The following TMEM170B variants were observed in gnomAD, a reference collection of about 807,000 sequenced individuals.
TMEM170B encodes the protein transmembrane protein 170B.
TMEM170B carries 6 observed loss-of-function variants against 13.0 expected under a neutral mutation model. The observed-to-expected ratio is 0.46, with a 90% confidence interval of 0.25 to 0.91. TMEM170B has a LOEUF of 0.91. TMEM170B is among the 40% of genes least tolerant of loss of function. TMEM170B has a pLI of 0.17. For synonymous variants in TMEM170B, 61 were observed against 64.9 expected (o/e 0.94, Z 0.29); for missense variants, 138 against 165.2 (o/e 0.84, Z 0.90).
At position 11,582,665 on chromosome 6, in the gene TMEM170B, G is replaced by A. The variant is rs988604268; in HGVS notation, c.*7104G>A. The A allele has an allele frequency of 6.6e-6, 1 of 152,112 alleles. No individual in the cohort carries two copies. The highest frequency in any genetic ancestry group is 1.5e-5 in the Non-Finnish European group (1 of 68,006). The allele number at this position is 152,112 out of a possible 1,614,324, so 9.4% of individuals were successfully genotyped here. On this transcript the variant is annotated 3_prime_UTR_variant, in exon 3 of 3. Coordinates refer to ENST00000379426, the MANE Select transcript of TMEM170B (RefSeq NM_001100829.3). ...TAGTGAACAGTGTTAGTTTTATACT[G>A]TAGTACAGGGCACACACTTTAACCT...
rs1582148324 is a variant in TMEM170B at position 11,576,131 on chromosome 6, C to T, written c.*570C>T. The T allele has an allele frequency of 6.6e-6, 1 of 152,130 alleles. No individual in the cohort carries two copies. Among genetic ancestry groups the T allele is most frequent in the Middle Eastern group, 3.4e-3 (1 of 294 alleles). 9.4% of individuals were successfully genotyped at this position (152,130 alleles called of 1,614,324 possible). A position where few individuals can be genotyped will look rare whatever the true frequency, so the allele number is the denominator to read the frequency against. On this transcript the variant is annotated 3_prime_UTR_variant, in exon 3 of 3. Coordinates refer to ENST00000379426, the MANE Select transcript of TMEM170B (RefSeq NM_001100829.3). ...TGCGCGTTTCTGGGATTTAGGGCTT[C>T]AATATGTTTAGGTATTATTGTTATT...
intron 1 of TMEM170B, among the ~76,000 whole-genome samples, chr6:11,565,067 G>A (rs1266537018): frequency 2.6e-5 from 4 of 152,142 alleles, no homozygotes; most frequent in East Asian, 1.9e-4. Context: ...GTGAACAGTC[G>A]ATTGAGGTCA....
intron 2 of TMEM170B, among the ~76,000 whole-genome samples, chr6:11,573,309 AAATTTATTTTTTTGAAATGGCTACC>A (rs1344445244): frequency 1.3e-5 from 2 of 152,100 alleles, no homozygotes; most frequent in African/African-American, 4.8e-5. Flanking sequence ...GCAGGGACCT[AAATTTATTTTTTTGAAATGGCTACC>A]AGTCATTCCA....
rs1759857223 is a variant in TMEM170B, at chr6:11,575,151, G to C, written c.269-280G>C. Among the ~76,000 whole-genome samples the C allele has an allele frequency of 6.6e-6, 1 of 151,852 alleles. No homozygotes were observed. Among genetic ancestry groups the C allele is most frequent in the African/African-American group, 2.4e-5 (1 of 41,348 alleles). ...AGGTTGCAATAATGAATTATTCATT[G>C]TTTATGAACATATTTGCTATCAAGT... On this transcript the variant is annotated intron_variant, in intron 2 of 2. Coordinates refer to ENST00000379426, the MANE Select transcript of TMEM170B (RefSeq NM_001100829.3). The surrounding 1 kb of genome is among the most constrained non-coding windows in gnomAD (Gnocchi z 4.1).
chr6:11,563,003 A>G (rs1167130006), intron 1 of TMEM170B, among the ~76,000 whole-genome samples: 1 of 152,112 alleles, frequency 6.6e-6, no homozygotes, highest in Non-Finnish European at 1.5e-5. Flanking sequence ...TAAATTTTTT[A>G]CTTTTTAAAA....
chr6:11,552,996 C>T (rs537361765), intron 1 of TMEM170B, among the ~76,000 whole-genome samples: 162 of 152,280 alleles, frequency 1.1e-3, no homozygotes, highest in Non-Finnish European at 2.0e-3. Flanking sequence ...TTTAGAAATT[C>T]GCCATGCCGC....
At chr6:11,560,837 CTCAG>C (rs1301489926) in intron 1 of TMEM170B, among the ~76,000 whole-genome samples, 1 of 152,094 alleles carries the variant, frequency 6.6e-6, no homozygotes, top group Non-Finnish European at 1.5e-5. Flanking sequence ...CTTGTTTTTA[CTCAG>C]TATTTTTTAG....
At position 11,580,573 on chromosome 6, in the gene TMEM170B, A is replaced by T. The variant is rs1419537403; in HGVS notation, c.*5012A>T. On this transcript the variant is annotated 3_prime_UTR_variant, in exon 3 of 3. Coordinates refer to ENST00000379426, the MANE Select transcript of TMEM170B (RefSeq NM_001100829.3). ...GGTAACACTTTTTGGGTAACTGGGT[A>T]AATTACTATTTCTTTTAATAATCGG... The T allele has an allele frequency of 1.3e-5, 2 of 152,216 alleles. No individual in the cohort carries two copies. The highest frequency in any genetic ancestry group is 4.8e-5 in the African/African-American group (2 of 41,456). 9.4% of individuals were successfully genotyped at this position (152,216 alleles called of 1,614,324 possible). A position where few individuals can be genotyped will look rare whatever the true frequency, so the allele number is the denominator to read the frequency against.
chr6:11,563,783 A>C (rs1476044974), intron 1 of TMEM170B, among the ~76,000 whole-genome samples: 2 of 152,202 alleles, frequency 1.3e-5, no homozygotes, highest in Non-Finnish European at 2.9e-5. Flanking sequence ...TGGGCAGCAC[A>C]GGCAGATCCT....
rs960154666 is a variant in TMEM170B at position 11,578,029 on chromosome 6, C to T, written c.*2468C>T. The stretch of plus-strand genomic sequence containing the variant: ...AAATGTTTAATGATATATATACACA[C>T]ACGTATATATCATTATATAGGTATA... On this transcript the variant is annotated 3_prime_UTR_variant, in exon 3 of 3. Coordinates refer to ENST00000379426, the MANE Select transcript of TMEM170B (RefSeq NM_001100829.3). The T allele has an allele frequency of 6.6e-6, 1 of 152,028 alleles. No individual in the cohort carries two copies. The highest frequency in any genetic ancestry group is 1.5e-5 in the Non-Finnish European group (1 of 67,950). 9.4% of individuals were successfully genotyped at this position (152,028 alleles called of 1,614,324 possible). A position where few individuals can be genotyped will look rare whatever the true frequency, so the allele number is the denominator to read the frequency against.
intron 1 of TMEM170B, among the ~76,000 whole-genome samples, chr6:11,564,565 G>A (rs1759711799): frequency 6.6e-6 from 1 of 152,172 alleles, no homozygotes; most frequent in Non-Finnish European, 1.5e-5. Context: ...GCTCTTTCAG[G>A]TATAAGTGAG....
intron 1 of TMEM170B, among the ~76,000 whole-genome samples, chr6:11,551,322 A>C (rs559839672): frequency 6.6e-6 from 1 of 152,198 alleles, no homozygotes; most frequent in Non-Finnish European, 1.5e-5. Flanking sequence ...GCTGTATTCT[A>C]TTGGTCATAC....
intron 2 of TMEM170B, 143 bp downstream of exon 2, chr6:11,565,979 T>C: frequency 1.4e-6 from 1 of 734,492 alleles, no homozygotes. Context: ...ATCTAGAAGA[T>C]AAAGATGAGC....
chr6:11,571,655 T>C (rs538177860), intron 2 of TMEM170B, among the ~76,000 whole-genome samples: 2 of 152,204 alleles, frequency 1.3e-5, no homozygotes, highest in African/African-American at 4.8e-5. Flanking sequence ...GCCTCATAAA[T>C]CACCAAGAAA....
chr6:11,567,713 T>A (rs1455170902), intron 2 of TMEM170B, among the ~76,000 whole-genome samples: 3 of 152,212 alleles, frequency 2.0e-5, no homozygotes, highest in Non-Finnish European at 4.4e-5. Flanking sequence ...CTCATATGCT[T>A]TGTCATAGAC....
At chr6:11,545,280 C>CTCTCTCTGTGTGTGTGTGTGTG (rs1442789332) in intron 1 of TMEM170B, among the ~76,000 whole-genome samples, 20 of 139,736 alleles carry the variant, frequency 1.4e-4, no homozygotes, top group African/African-American at 4.0e-4. Context: ...CTCTCTCTCT[C>CTCTCTCTGTGTGTGTGTGTGTG]TGTGTGTGTG....
chr6:11,568,066 C>T (rs1309382898), intron 2 of TMEM170B, among the ~76,000 whole-genome samples: 1 of 151,738 alleles, frequency 6.6e-6, no homozygotes, highest in East Asian at 1.9e-4. Context: ...AATGGATATG[C>T]AAAACATATA....
intron 2 of TMEM170B, among the ~76,000 whole-genome samples, chr6:11,570,403 C>T (rs1582146515): frequency 6.6e-6 from 1 of 151,432 alleles, no homozygotes; most frequent in South Asian, 2.1e-4. Flanking sequence ...TGCTGGCAAA[C>T]TAAGAAAAAA....
chr6:11,542,616 G>A (rs1759377490), intron 1 of TMEM170B, among the ~76,000 whole-genome samples: 1 of 152,290 alleles, frequency 6.6e-6, no homozygotes, highest in South Asian at 2.1e-4. Context: ...TTTCACTAGT[G>A]GTAGAGTGTA....
Sources: gnomAD v4.1 joint callset for allele counts (sites outside exome capture counted in the v4.1 genomes callset) on GRCh38, gnomAD v4.1.1 for gene constraint, Gnocchi (gnomAD v3.1) non-coding constraint, MANE v1.5 for transcripts, NCBI Gene and HGNC (gene_info 2026-07-23, HGNC 2026-07-21) for gene names.